OR3A2: variants seen among roughly 807,000 people sequenced by gnomAD.
OR3A2 encodes olfactory receptor 3A2.
For synonymous variants in OR3A2, 126 were observed against 159.3 expected, an observed-to-expected ratio of 0.79 and a Z score of 1.57; for missense variants, 318 against 392.8, an observed-to-expected ratio of 0.81 and a Z score of 1.61.
chr17:3,365,469 C>G (rs1489278968), intron 2 of OR3A2, among the ~76,000 whole-genome samples: 1 of 152,168 alleles, frequency 6.6e-6, no homozygotes. Flanking sequence ...AATCAGTGCT[C>G]TGTTTCAGCT....
At chr17:3,339,897 G>T (rs1293061513) in intron 2 of OR3A2, among the ~76,000 whole-genome samples, 1 of 152,066 alleles carries the variant, frequency 6.6e-6, no homozygotes, top group East Asian at 1.9e-4. Flanking sequence ...GAATCTGTCT[G>T]GTCCTGGACT....
intron 2 of OR3A2, among the ~76,000 whole-genome samples, chr17:3,362,780 G>A (rs2150660192): frequency 6.6e-6 from 1 of 151,800 alleles, no homozygotes; most frequent in Admixed American, 6.5e-5. Context: ...CTTCTACCTG[G>A]ACATCCAGAT....
chr17:3,330,288 A>T (rs1257663710), intron 3 of OR3A2, among the ~76,000 whole-genome samples: 4 of 150,792 alleles, frequency 2.7e-5, no homozygotes, highest in Non-Finnish European at 5.9e-5. Flanking sequence ...TGTCTCGTTG[A>T]TCTGTCTAAT....
intron 2 of OR3A2, among the ~76,000 whole-genome samples, chr17:3,338,551 T>G (rs1186907817): frequency 6.6e-6 from 1 of 152,220 alleles, no homozygotes. Context: ...TTTCCTGTTT[T>G]TGTCAGGTTT....
At chr17:3,333,816 C>G (rs182405115) in intron 3 of OR3A2, among the ~76,000 whole-genome samples, 6 of 152,136 alleles carry the variant, frequency 3.9e-5, no homozygotes, top group South Asian at 2.1e-4. Flanking sequence ...AGTGAACAGA[C>G]AACCTACAGA....
chr17:3,372,839 GAAGGA>G (rs2049642825), intron 2 of OR3A2, among the ~76,000 whole-genome samples: 1 of 124,588 alleles, frequency 8.0e-6, no homozygotes, highest in African/African-American at 3.4e-5. Context: ...AGAGGGAGGA[GAAGGA>G]GAAGGAGAGG....
chr17:3,302,870 G>A (rs557022608), intron 3 of OR3A2, among the ~76,000 whole-genome samples: 3 of 152,222 alleles, frequency 2.0e-5, no homozygotes, highest in Non-Finnish European at 2.9e-5. Flanking sequence ...TACTCAGTTC[G>A]GGCTAAAAGC....
chr17:3,346,894 C>T (rs879247414), intron 2 of OR3A2, among the ~76,000 whole-genome samples: 4 of 152,166 alleles, frequency 2.6e-5, no homozygotes, highest in Non-Finnish European at 4.4e-5. Context: ...CTGAATAGTA[C>T]TCCATTGTGT....
At chr17:3,280,829 G>C (rs1167337844) in intron 1 of OR3A2, among the ~76,000 whole-genome samples, 1 of 152,190 alleles carries the variant, frequency 6.6e-6, no homozygotes, top group Non-Finnish European at 1.5e-5. Context: ...TGATATGACT[G>C]CCTAGGGGTG....
intron 1 of OR3A2, among the ~76,000 whole-genome samples, chr17:3,282,649 CA>C (rs752236352): frequency 9.9e-5 from 15 of 152,176 alleles, no homozygotes; most frequent in Non-Finnish European, 1.5e-4. Context: ...TCTAAGATCA[CA>C]TGACTTGGAG....
At chr17:3,315,714 A>C (rs8080939) in intron 3 of OR3A2, among the ~76,000 whole-genome samples, 22,833 of 148,202 alleles carry the variant, frequency 0.15, 2,319 homozygotes, top group African/African-American at 0.29. Flanking sequence ...AACTAACTAA[A>C]TAAATAAAAC....
intron 2 of OR3A2, among the ~76,000 whole-genome samples, chr17:3,339,177 A>T (rs1330356399): frequency 6.6e-6 from 1 of 152,108 alleles, no homozygotes; most frequent in East Asian, 1.9e-4. Context: ...GCTGAGATGA[A>T]GGGGTTTTCT....
At chr17:3,306,970 C>T (rs559664325) in intron 3 of OR3A2, among the ~76,000 whole-genome samples, 1 of 152,238 alleles carries the variant, frequency 6.6e-6, no homozygotes, top group South Asian at 2.1e-4. Context: ...TTTACACACG[C>T]ACGCGTGCTT....
At position 3,292,227 on chromosome 17, in the gene OR3A2, G is replaced by A. The variant is rs372102685; in HGVS notation, c.-84-13074C>T. On this transcript the variant is annotated intron_variant, in intron 3 of 4. Coordinates refer to the OR3A2 transcript ENST00000573491. ...CAGGAATCGGTCATAGGCCATGGCG[G>A]TCAGCAGGAAGCAGTCCACTCCAAC... The A allele has an allele frequency of 8.1e-6, 13 of 1,614,182 alleles. No homozygotes were observed. In the African/African-American group the frequency reaches 1.6e-4, roughly 20 times the overall value.
At chr17:3,340,945 G>T (rs2049312355) in intron 2 of OR3A2, among the ~76,000 whole-genome samples, 1 of 152,128 alleles carries the variant, frequency 6.6e-6, no homozygotes, top group African/African-American at 2.4e-5. Context: ...GAATCTGGGT[G>T]CTCCTGTATT....
chr17:3,382,556 C>G (rs2049746636), intron 2 of OR3A2, among the ~76,000 whole-genome samples: 1 of 152,240 alleles, frequency 6.6e-6, no homozygotes, highest in East Asian at 1.9e-4. Context: ...CCCAACATTT[C>G]TCTGCTATCT....
intron 2 of OR3A2, among the ~76,000 whole-genome samples, chr17:3,344,483 C>A (rs1201389084): frequency 6.6e-6 from 1 of 152,130 alleles, no homozygotes; most frequent in Non-Finnish European, 1.5e-5. Flanking sequence ...ATCATCTAGA[C>A]ACAAAAGTCC....
intron 2 of OR3A2, among the ~76,000 whole-genome samples, chr17:3,353,694 T>A (rs1163156722): frequency 6.6e-6 from 1 of 151,864 alleles, no homozygotes; most frequent in Non-Finnish European, 1.5e-5. Flanking sequence ...TTCTTGTGGG[T>A]ACATGATAGG....
rs146659776 is a variant in OR3A2 at position 3,372,912 on chromosome 17, C to T, written c.-179+10892G>A. Among the ~76,000 whole-genome samples, 13 of 121,880 alleles carry T rather than the reference C, an allele frequency of 1.1e-4. No individual in the cohort carries two copies. In the East Asian group the frequency reaches 2.9e-3, roughly 27 times the overall value. The allele number at this position is 121,880 out of a possible 152,430, so 80.0% of individuals were successfully genotyped here. A position where few individuals can be genotyped will look rare whatever the true frequency, so the allele number is the denominator to read the frequency against. ...GAGGGAGAGGGAGAGGGAGAGGGCT[C>T]TTTAGGATTTTTTGATGTAGGCATA... On this transcript the variant is annotated intron_variant, in intron 2 of 4. Transcript: ENST00000573491.
Sources: gnomAD v4.1 joint callset for allele counts (sites outside exome capture counted in the v4.1 genomes callset) on GRCh38, gnomAD v4.1.1 for gene constraint, MANE v1.5 for transcripts, NCBI Gene and HGNC (gene_info 2026-07-23, HGNC 2026-07-21) for gene names.